CUX1: variants seen among roughly 807,000 people sequenced by gnomAD.
CUX1 encodes the protein protein CASP.
A neutral mutation model predicts 158.8 loss-of-function variants in CUX1; 31 were observed. The ratio of observed to expected loss-of-function variants is 0.20; its 90% CI spans 0.15 to 0.26. The LOEUF (loss-of-function observed/expected upper bound fraction) is 0.26, where lower values mean the gene tolerates loss of function less well. CUX1 is among the 10% of genes least tolerant of loss of function. The pLI, the probability that CUX1 is intolerant of heterozygous loss-of-function variation, is 1.00. For synonymous variants in CUX1, 879 were observed against 862.1 expected (o/e 1.02, Z -0.34); for missense variants, 1,589 against 2,014.6 (o/e 0.79, Z 4.04).
At chr7:102,180,815 T>C (rs1792966322) in intron 11 of CUX1, among the ~76,000 whole-genome samples, 1 of 151,878 alleles carries the variant, frequency 6.6e-6, no homozygotes, top group South Asian at 2.1e-4. Context: ...CCGGGTCCCT[T>C]GGAGGAGACA....
At chr7:101,817,031 G>A (rs928061898), upstream of CUX1, 15 of 984,412 alleles carry the variant, frequency 1.5e-5, no homozygotes, top group African/African-American at 2.3e-4. This position sits in a 1 kb window ranked among gnomAD's most constrained non-coding sequence, Gnocchi z 4.1. Context: ...TTCCTCCGTG[G>A]CGGACCCCCG....
At chr7:101,897,432 T>TC (rs1450149564) in intron 1 of CUX1, among the ~76,000 whole-genome samples, 1 of 151,944 alleles carries the variant, frequency 6.6e-6, no homozygotes, top group African/African-American at 2.4e-5. Flanking sequence ...GCCCAGGAGT[T>TC]CAAGCCCGCA....
At chr7:102,024,027 A>G (rs1047538883) in intron 2 of CUX1, among the ~76,000 whole-genome samples, 2 of 152,226 alleles carry the variant, frequency 1.3e-5, no homozygotes, top group Admixed American at 1.3e-4. Flanking sequence ...GAATGCTGTA[A>G]CAGAATATAG....
chr7:102,275,225 G>T, intron 16 of CUX1: 1 of 1,573,362 alleles, frequency 6.4e-7, no homozygotes, highest in Non-Finnish European at 8.6e-7. Flanking sequence ...CACCCCCCAA[G>T]CCACCCTCCT....
In CUX1 at chr7:102,256,891, A is replaced by C; in HGVS notation, c.*7849A>C. The C allele has an allele frequency of 1.0e-6, 1 of 985,462 alleles. No homozygotes were observed. Among genetic ancestry groups the C allele is most frequent in the Non-Finnish European group, 1.2e-6 (1 of 829,968 alleles). The allele number at this position is 985,462 out of a possible 1,614,324, so 61.0% of individuals were successfully genotyped here. On this transcript the variant is annotated 3_prime_UTR_variant, in exon 24 of 24. Transcript: ENST00000292535. ...TTTTGTTGTTGTTTTTCTTGCGTAC[A>C]AAGTTGGTCAAAACCATCTTTCAAA...
chr7:102,041,701 T>C lies in CUX1; in HGVS notation c.189+13556T>C, dbSNP rs190905321. 5.1e-3 allele frequency among the ~76,000 whole-genome samples: 698 copies of C among 136,352 alleles called. 5 individuals are homozygous for C. Among genetic ancestry groups the C allele is most frequent in the African/African-American group, 0.018 (653 of 35,716 alleles). 89.5% of individuals were successfully genotyped at this position (136,352 alleles called of 152,430 possible). A position where few individuals can be genotyped will look rare whatever the true frequency, so the allele number is the denominator to read the frequency against. On this transcript the variant is annotated intron_variant, in intron 3 of 23. Transcript: ENST00000292535. Reference sequence around the variant, plus strand: ...TTTTTTTTTTTGAGATGGAGTCTTGTTCTGTCACCCAGGCTGGAGTGCAGT... The same window carrying C: ...TTTTTTTTTTTGAGATGGAGTCTTGCTCTGTCACCCAGGCTGGAGTGCAGT...
intron 6 of CUX1, among the ~76,000 whole-genome samples, chr7:102,105,241 A>G (rs1463306344): frequency 1.3e-5 from 2 of 152,026 alleles, no homozygotes; most frequent in Non-Finnish European, 2.9e-5. Context: ...TTAATATTAC[A>G]CACACGCGCA....
chr7:102,126,334 C>T (rs1482628473), intron 8 of CUX1, among the ~76,000 whole-genome samples: 6 of 151,960 alleles, frequency 3.9e-5, no homozygotes, highest in East Asian at 1.9e-4. Context: ...GTACCACGCC[C>T]GGCCCGTGAC....
chr7:102,170,648 G>T, intron 10 of CUX1, 98 bp downstream of exon 10: 1 of 823,682 alleles, frequency 1.2e-6, no homozygotes, highest in Non-Finnish European at 1.9e-6. Context: ...ATCTCTTTTT[G>T]GGAATCACGT....
intron 1 of CUX1, among the ~76,000 whole-genome samples, chr7:101,888,326 G>T (rs769943288): frequency 1.3e-5 from 2 of 151,474 alleles, no homozygotes; most frequent in African/African-American, 4.9e-5. Flanking sequence ...GTGAGGCTCC[G>T]TCTCCAAAAA....
intron 1 of CUX1, among the ~76,000 whole-genome samples, chr7:101,910,589 C>G (rs1164640196): frequency 6.6e-6 from 1 of 152,074 alleles, no homozygotes; most frequent in East Asian, 1.9e-4. Context: ...AACCCCCTCT[C>G]TACTAAAAAC....
At chr7:102,018,950 T>C (rs994596676) in intron 2 of CUX1, among the ~76,000 whole-genome samples, 5 of 152,154 alleles carry the variant, frequency 3.3e-5, no homozygotes, top group Admixed American at 1.3e-4. Context: ...TTTGACCTTG[T>C]GGATCCATGA....
chr7:102,277,943 C>T (rs782797555), intron 17 of CUX1: 9 of 1,497,302 alleles, frequency 6.0e-6, no homozygotes, highest in Admixed American at 2.1e-5. Context: ...GCCCCTCCCC[C>T]CCCAGGAGAA....
At chr7:102,010,210 A>G (rs1432297406) in intron 2 of CUX1, among the ~76,000 whole-genome samples, 2 of 152,082 alleles carry the variant, frequency 1.3e-5, no homozygotes, top group Non-Finnish European at 2.9e-5. Context: ...CCTGGCCAAC[A>G]TGGTGAAACC....
At chr7:101,850,472 G>A (rs1321686075) in intron 1 of CUX1, among the ~76,000 whole-genome samples, 1 of 142,996 alleles carries the variant, frequency 7.0e-6, no homozygotes, top group Non-Finnish European at 1.5e-5. Context: ...TGTCCAGGCT[G>A]GAATTGCCGT....
At chr7:102,226,207 G>A (rs192840671) in intron 20 of CUX1, among the ~76,000 whole-genome samples, 1 of 152,326 alleles carries the variant, frequency 6.6e-6, no homozygotes, top group Admixed American at 6.5e-5. Context: ...AGAGGAGAGT[G>A]TAGACTCTGG....
chr7:102,280,066 G>T, exon 19 of CUX1: 1 of 1,610,526 alleles, frequency 6.2e-7, no homozygotes, highest in African/African-American at 1.3e-5. Flanking sequence ...CGGAGCTGCG[G>T]TACTCGTCCC....
chr7:101,833,309 G>T (rs1031809718), intron 1 of CUX1, among the ~76,000 whole-genome samples: 2 of 151,634 alleles, frequency 1.3e-5, no homozygotes, highest in East Asian at 3.9e-4. Flanking sequence ...AATACTTTAG[G>T]AGGTCAAGGC....
intron 22 of CUX1, among the ~76,000 whole-genome samples, chr7:102,236,788 T>C (rs1385598553): frequency 6.6e-6 from 1 of 152,110 alleles, no homozygotes; most frequent in Non-Finnish European, 1.5e-5. Flanking sequence ...CTGGGGCCCT[T>C]AGGAAAGGAC....
Sources: gnomAD v4.1 joint callset for allele counts (sites outside exome capture counted in the v4.1 genomes callset) on GRCh38, gnomAD v4.1.1 for gene constraint, Gnocchi (gnomAD v3.1) non-coding constraint, MANE v1.5 for transcripts, NCBI Gene and HGNC (gene_info 2026-07-23, HGNC 2026-07-21) for gene names.